The following PLCD3 variants were observed in gnomAD, a reference collection of about 807,000 sequenced individuals.
The protein encoded by PLCD3 is phospholipase C delta 3.
Under a neutral mutation model 82.8 loss-of-function variants are expected in PLCD3, and 62 were observed. The ratio of observed to expected loss-of-function variants is 0.75; its 90% CI spans 0.61 to 0.93. The LOEUF (loss-of-function observed/expected upper bound fraction) is 0.93, where lower values mean the gene tolerates loss of function less well. PLCD3 is among the 40% of genes least tolerant of loss of function. The pLI is 0.00. For missense variants in PLCD3, 1,023 were observed against 1,103.4 expected, an observed-to-expected ratio of 0.93 and a Z score of 1.03; for synonymous variants, 478 against 471.8, an observed-to-expected ratio of 1.01 and a Z score of -0.17.
At chr17:45,120,868 G>T in intron 3 of PLCD3, 34 bp downstream of exon 3, 1 of 1,412,988 alleles carries the variant, frequency 7.1e-7, no homozygotes. Context: ...GCTCTCCAAG[G>T]ATGGGGCCCT....
Position 45,120,934 on chromosome 17 carries a change from C to A in PLCD3, c.522G>T (p.Leu174=). 1 of 1,468,590 alleles carries A rather than the reference C, an allele frequency of 6.8e-7. No individual in the cohort carries two copies. 91.0% of individuals were successfully genotyped at this position (1,468,590 alleles called of 1,614,324 possible). The change falls in exon 3 of 15, where the codon CTG becomes CTT. Residue 174 remains leucine, a synonymous_variant. Coordinates refer to ENST00000619929, the MANE Select transcript of PLCD3 (RefSeq NM_133373.5). ...VRGLTKLRAR[L]DAMSQRERLD... is the part of the protein sequence containing the mutation. ...GCCGCTCGCGCTGGCTCATGGCGTC[C>A]AGGCGCGCGCGGAGCTTGGTCAGAC...
rs1159765046 is a variant in PLCD3 at position 45,112,882 on chromosome 17, A to C, written c.2262T>G (p.Pro754=). ...PNDFVGQFTL[P]LSSLKQGYRH... is the part of the protein sequence containing the mutation. ...ACCAACCTTGCTTTAGGCTGCTAAG[A>C]GGCAGTGTAAACTGGCCCACAAAGT... is the stretch of plus-strand genomic sequence containing the variant. The change falls in exon 14 of 15, where the codon CCT becomes CCG. Residue 754 remains proline, a synonymous_variant. Coordinates refer to ENST00000619929, the MANE Select transcript of PLCD3 (RefSeq NM_133373.5). 6.2e-7 allele frequency: 1 copy of C among 1,612,490 alleles called. No individual in the cohort carries two copies. The highest frequency in any genetic ancestry group is 8.5e-7 in the Non-Finnish European group (1 of 1,179,314).
chr17:45,115,303 A>T, intron 9 of PLCD3, 41 bp downstream of exon 9: 1 of 1,499,280 alleles, frequency 6.7e-7, no homozygotes. Flanking sequence ...CCGTCCTCCC[A>T]CCTTCCCCCC....
At chr17:45,126,852 G>A (rs1256398272) in intron 1 of PLCD3, among the ~76,000 whole-genome samples, 5 of 151,932 alleles carry the variant, frequency 3.3e-5, no homozygotes, top group African/African-American at 7.3e-5. Flanking sequence ...TAGAGTTGGG[G>A]TCACACTATG....
chr17:45,115,068 C>G (rs1370311444), intron 10 of PLCD3, 26 bp downstream of exon 10: 11 of 1,580,738 alleles, frequency 7.0e-6, no homozygotes, highest in Non-Finnish European at 9.5e-6. Context: ...CTCTCGCCCC[C>G]AGACACCCAG....
At chr17:45,130,872 G>A (rs981376623) in intron 1 of PLCD3, among the ~76,000 whole-genome samples, 1 of 151,450 alleles carries the variant, frequency 6.6e-6, no homozygotes, top group Non-Finnish European at 1.5e-5. Context: ...TTCCTCAGCT[G>A]GGGCCAGCCA....
At chr17:45,113,719 G>T in intron 11 of PLCD3, 114 bp from the exon 12 acceptor site, 4 of 1,303,428 alleles carry the variant, frequency 3.1e-6, no homozygotes, top group South Asian at 3.0e-5. Context: ...TGTCTGCTTA[G>T]TGCTGCTCTG....
rs1446179930 is a variant in PLCD3, at chr17:45,118,292, T to C, written c.1114A>G (p.Arg372Gly). Residue 372 changes from arginine to glycine, a missense_variant and splice_region_variant, in exon 6 of 15, where the codon AGG (arginine) becomes GGG (glycine). By Grantham distance (125) the Arg-to-Gly change is moderately radical. Transcript: ENST00000619929. This position sits in a 1 kb window ranked among gnomAD's most constrained non-coding sequence, Gnocchi z 4.1. ...GGPSSTEAYV[R>G]AFAQGCRCVE... ...AACATTCACCCCCTGCTACAGTACCTAACATAGGCCTCGGTGCTGCTGGGC... is the reference window on the plus strand; with the variant it reads ...AACATTCACCCCCTGCTACAGTACCCAACATAGGCCTCGGTGCTGCTGGGC... 1 of 1,613,876 alleles carries C rather than the reference T, an allele frequency of 6.2e-7. No individual in the cohort carries two copies. Among genetic ancestry groups the C allele is most frequent in the Non-Finnish European group, 8.5e-7 (1 of 1,179,886 alleles).
intron 1 of PLCD3, 60 bp from the exon 2 acceptor site, chr17:45,121,432 T>C (rs1025695578): frequency 1.4e-6 from 2 of 1,430,158 alleles, no homozygotes; most frequent in African/African-American, 1.5e-5. Context: ...TCCCCTGCCC[T>C]CCCCCGCTAG....
rs775562554 is a variant in PLCD3, at chr17:45,113,233, T to G, written c.2020A>C (p.Lys674Gln). The change falls in exon 13 of 15, where the codon AAG becomes CAG. Residue 674 changes from lysine (K) to glutamine (Q), a missense_variant. Around this residue, in one of 3 missense-constraint regions of PLCD3, gnomAD observed 553 missense variants for 655.7 expected, o/e 0.84. Transcript: ENST00000619929. ...IQVLTAQQLPKLNAEKPHSIV... is the reference protein window; with the variant it reads ...IQVLTAQQLPQLNAEKPHSIV... ...GAGTGTGGCTTCTCGGCATTCAGCT[T>G]GGGCAGCTGCTGTGCAGTCAGCACC... The G allele has an allele frequency of 6.2e-7, 1 of 1,608,584 alleles. No homozygotes were observed. Among genetic ancestry groups the G allele is most frequent in the Non-Finnish European group, 8.5e-7 (1 of 1,177,780 alleles).
chr17:45,119,190 A>T, intron 4 of PLCD3, 147 bp from the exon 5 acceptor site: 1 of 642,122 alleles, frequency 1.6e-6, no homozygotes, highest in Admixed American at 3.0e-5. Flanking sequence ...ACTCTAGCTC[A>T]CACAGCTGGT....
chr17:45,111,897 G>C lies in PLCD3; in HGVS notation c.*719C>G, dbSNP rs2054245810. The C allele has an allele frequency of 6.6e-6, 1 of 152,110 alleles. No homozygotes were observed. The highest frequency in any genetic ancestry group is 2.4e-5 in the African/African-American group (1 of 41,160). 9.4% of individuals were successfully genotyped at this position (152,110 alleles called of 1,614,324 possible). A position where few individuals can be genotyped will look rare whatever the true frequency, so the allele number is the denominator to read the frequency against. On this transcript the variant is annotated 3_prime_UTR_variant, in exon 15 of 15. Transcript: ENST00000619929. ...TACATAAAATTTAAACATTAGCCAGGTTTGGTGGCCTGTGCCTGTAGTCCC... is the reference window on the plus strand; with the variant it reads ...TACATAAAATTTAAACATTAGCCAGCTTTGGTGGCCTGTGCCTGTAGTCCC...
Position 45,118,316 on chromosome 17 carries a change from GC to G in PLCD3, c.1089del (p.Ser365AlafsTer91). The G allele has an allele frequency of 1.2e-6, 2 of 1,614,000 alleles. No homozygotes were observed. Among genetic ancestry groups the G allele is most frequent in the Non-Finnish European group, 1.7e-6 (2 of 1,179,886 alleles). The stretch of plus-strand genomic sequence containing the variant: ...CTAACATAGGCCTCGGTGCTGCTGG[GC>G]CCCCCGATCTGGGAGTCAGTCAGAT... ...NTYLTDSQIG[G>X]PSSTEAYVRA... On this transcript the variant is annotated frameshift_variant, in exon 6 of 15. Transcript: ENST00000619929. LOFTEE classifies it high-confidence loss of function. The surrounding 1 kb of genome is among the most constrained non-coding windows in gnomAD (Gnocchi z 4.1).
chr17:45,131,210 G>A (rs529001814), intron 1 of PLCD3, among the ~76,000 whole-genome samples: 1 of 152,296 alleles, frequency 6.6e-6, no homozygotes, highest in African/African-American at 2.4e-5. Context: ...TAACAAGAAG[G>A]CAAAACTGGC....
rs778544386 is a variant in PLCD3, at chr17:45,113,509, C to T, written c.1925G>A (p.Cys642Tyr). 1.3e-6 allele frequency: 2 copies of T among 1,585,430 alleles called. No homozygotes were observed. The highest frequency in any genetic ancestry group is 8.6e-7 in the Non-Finnish European group (1 of 1,166,306). ...GQCGYVLKPA[C>Y]LRQPDSTFDP... ...AAAGGTCGAGTCAGGTTGCCGCAGGCAGGCAGGTTTTAGGACGTAGCCACA... is the reference window on the plus strand; with the variant it reads ...AAAGGTCGAGTCAGGTTGCCGCAGGTAGGCAGGTTTTAGGACGTAGCCACA... Residue 642 changes from cysteine (C) to tyrosine (Y), a missense_variant, in exon 12 of 15, where the codon TGC (cysteine) becomes TAC (tyrosine). Physicochemically the swap from Cys to Tyr is radical, Grantham distance 194. Around this residue, in one of 3 missense-constraint regions of PLCD3, gnomAD observed 553 missense variants for 655.7 expected, o/e 0.84. Coordinates refer to ENST00000619929, the MANE Select transcript of PLCD3 (RefSeq NM_133373.5).
intron 1 of PLCD3, among the ~76,000 whole-genome samples, chr17:45,127,890 C>G (rs1253228000): frequency 6.6e-6 from 1 of 152,018 alleles, no homozygotes; most frequent in Non-Finnish European, 1.5e-5. Context: ...ATAGGCGGCT[C>G]GCACTCGGGA....
chr17:45,124,569 G>T (rs1211763110), intron 1 of PLCD3, among the ~76,000 whole-genome samples: 1 of 152,264 alleles, frequency 6.6e-6, no homozygotes, highest in East Asian at 1.9e-4. Flanking sequence ...CAGCAGGAAG[G>T]GCAGGGCCAA....
intron 1 of PLCD3, among the ~76,000 whole-genome samples, chr17:45,125,597 AAAAAC>A (rs199583994): frequency 2.0e-5 from 3 of 152,248 alleles, no homozygotes; most frequent in Non-Finnish European, 4.4e-5. Flanking sequence ...CTCCGTCTCA[AAAAAC>A]AAAACAAAAC....
At chr17:45,116,524 G>A in intron 8 of PLCD3, 108 bp downstream of exon 8, 2 of 1,198,022 alleles carry the variant, frequency 1.7e-6, no homozygotes, top group Non-Finnish European at 2.3e-6. Context: ...AAAAGTTAAG[G>A]CAGCAAGAGG....
Sources: allele counts gnomAD v4.1 joint callset (sites outside exome capture counted in the v4.1 genomes callset), GRCh38; gene constraint gnomAD v4.1.1; regional missense constraint gnomAD v4.1.1; non-coding constraint Gnocchi (gnomAD v3.1); transcripts MANE v1.5; gene names NCBI Gene and HGNC (gene_info 2026-07-23, HGNC 2026-07-21).